EMC8: variants seen among roughly 807,000 people sequenced by gnomAD.
The protein encoded by EMC8 is COX4 neighbor.
A neutral mutation model predicts 24.3 loss-of-function variants in EMC8; 11 were observed. That is an observed-to-expected ratio of 0.45 (90% CI 0.28 to 0.75). EMC8 has a LOEUF of 0.75. EMC8 is among the 30% of genes least tolerant of loss of function. The pLI is 0.12. For synonymous variants in EMC8, 145 were observed against 117.7 expected, an observed-to-expected ratio of 1.23 and a Z score of -1.50; for missense variants, 277 against 282.7, an observed-to-expected ratio of 0.98 and a Z score of 0.14.
intron 2 of EMC8, 65 bp downstream of exon 2, chr16:85,788,909 G>T: frequency 8.5e-7 from 1 of 1,171,910 alleles, no homozygotes; most frequent in Non-Finnish European, 1.3e-6. Context: ...AAAAGCACAC[G>T]AGAGACGGGG....
intron 1 of EMC8, among the ~76,000 whole-genome samples, chr16:85,791,821 G>A (rs894812109): frequency 6.6e-6 from 1 of 151,986 alleles, no homozygotes; most frequent in Non-Finnish European, 1.5e-5. Context: ...CTTTACAAAG[G>A]TCTTTGTGAT....
At chr16:85,797,454 C>T (rs529263155) in intron 1 of EMC8, among the ~76,000 whole-genome samples, 1 of 152,334 alleles carries the variant, frequency 6.6e-6, no homozygotes, top group Admixed American at 6.5e-5. Context: ...AAAACACACA[C>T]ACACACTCCC....
At chr16:85,791,429 C>T (rs1470195542) in intron 1 of EMC8, among the ~76,000 whole-genome samples, 4 of 152,126 alleles carry the variant, frequency 2.6e-5, no homozygotes, top group African/African-American at 4.8e-5. Context: ...TTTTAAGCCC[C>T]GCATGCATTA....
intron 1 of EMC8, among the ~76,000 whole-genome samples, chr16:85,790,251 T>C (rs980775391): frequency 6.6e-6 from 1 of 152,120 alleles, no homozygotes; most frequent in Non-Finnish European, 1.5e-5. Context: ...TTTGGGCCTC[T>C]GAGTCTCCTT....
chr16:85,788,385 AG>A lies in EMC8; in HGVS notation c.308+588del, dbSNP rs552280221. Among the ~76,000 whole-genome samples the A allele has an allele frequency of 2.0e-3, 310 of 152,398 alleles. 3 individuals carry two copies. The highest frequency in any genetic ancestry group is 9.1e-3 in the South Asian group (44 of 4,824). On this transcript the variant is annotated intron_variant, in intron 2 of 4. Transcript: ENST00000253457. ...GGCCTTGTCAACAGCCTGCTTATTA[AG>A]CCCTCCTCAGATTATCACCACCTGA... is the stretch of plus-strand genomic sequence containing the variant.
intron 1 of EMC8, among the ~76,000 whole-genome samples, chr16:85,793,411 TC>T (rs1905098863): frequency 6.6e-6 from 1 of 152,136 alleles, no homozygotes; most frequent in Non-Finnish European, 1.5e-5. Flanking sequence ...TGCTGATCTT[TC>T]TATGGAATGA....
intron 3 of EMC8, 66 bp downstream of exon 3, chr16:85,781,145 G>T: frequency 8.5e-7 from 1 of 1,173,948 alleles, no homozygotes; most frequent in South Asian, 1.2e-5. Flanking sequence ...AACCGCCGCA[G>T]AGCAAGCTCC....
At chr16:85,794,118 T>A (rs1346416234) in intron 1 of EMC8, among the ~76,000 whole-genome samples, 1 of 152,224 alleles carries the variant, frequency 6.6e-6, no homozygotes, top group Non-Finnish European at 1.5e-5. Context: ...GCTGCATGGA[T>A]TTAGATGCTT....
chr16:85,799,405 A>C lies in EMC8; in HGVS notation c.-110T>G. ...AAGCGGGACGAGGCGGCGGCGATTG[A>C]TGGCGCGGCCGCGGGCTGGCGGGGG... is the stretch of plus-strand genomic sequence containing the variant. On this transcript the variant is annotated 5_prime_UTR_variant, in exon 1 of 5. Transcript: ENST00000253457. The surrounding 1 kb of genome is among the most constrained non-coding windows in gnomAD (Gnocchi z 4.2). 1.7e-6 allele frequency: 1 copy of C among 604,846 alleles called. No individual in the cohort carries two copies. The highest frequency in any genetic ancestry group is 2.5e-6 in the Non-Finnish European group (1 of 396,244). 37.5% of individuals were successfully genotyped at this position (604,846 alleles called of 1,614,324 possible).
At chr16:85,780,745 G>C (rs1335313945) in intron 3 of EMC8, 1 of 522,902 alleles carries the variant, frequency 1.9e-6, no homozygotes, top group South Asian at 2.2e-5. Context: ...TCTGAATCAA[G>C]GCTGTTCAGC....
intron 1 of EMC8, among the ~76,000 whole-genome samples, 183 bp from the exon 2 acceptor site, chr16:85,789,233 G>A (rs1364350719): frequency 6.6e-6 from 1 of 152,144 alleles, no homozygotes; most frequent in South Asian, 2.1e-4. Context: ...GCAGGACTTT[G>A]AACATAAGGA....
intron 2 of EMC8, among the ~76,000 whole-genome samples, chr16:85,788,645 C>T (rs535472731): frequency 6.6e-6 from 1 of 152,202 alleles, no homozygotes; most frequent in Non-Finnish European, 1.5e-5. Flanking sequence ...AGTGCTCTGC[C>T]CAACACCACC....
chr16:85,786,372 T>TCC (rs1904754271), intron 2 of EMC8, among the ~76,000 whole-genome samples: 2 of 152,218 alleles, frequency 1.3e-5, no homozygotes, highest in South Asian at 4.1e-4. Flanking sequence ...AAACCATACT[T>TCC]AAGTCAGAAG....
intron 1 of EMC8, among the ~76,000 whole-genome samples, chr16:85,795,366 C>A (rs992196522): frequency 6.6e-6 from 1 of 152,232 alleles, no homozygotes; most frequent in African/African-American, 2.4e-5. Context: ...TGCCCCAAGC[C>A]ACGTTCCTGG....
At chr16:85,783,784 C>T (rs1460862748) in intron 2 of EMC8, among the ~76,000 whole-genome samples, 1 of 152,182 alleles carries the variant, frequency 6.6e-6, no homozygotes, top group Non-Finnish European at 1.5e-5. Flanking sequence ...AATTGCTTCC[C>T]CTCTTTCAGT....
At chr16:85,788,412 G>A (rs1904853734) in intron 2 of EMC8, among the ~76,000 whole-genome samples, 1 of 152,274 alleles carries the variant, frequency 6.6e-6, no homozygotes. Context: ...CACCACCTGA[G>A]TGTGTCATCT....
At chr16:85,795,774 A>G (rs2152077184) in intron 1 of EMC8, among the ~76,000 whole-genome samples, 1 of 152,274 alleles carries the variant, frequency 6.6e-6, no homozygotes, top group African/African-American at 2.4e-5. Flanking sequence ...AAATCCAAAC[A>G]GGAAGCCATG....
chr16:85,794,139 G>C (rs180996565), intron 1 of EMC8, among the ~76,000 whole-genome samples: 4 of 152,346 alleles, frequency 2.6e-5, no homozygotes, highest in Admixed American at 6.5e-5. Flanking sequence ...TGTGAAAACT[G>C]CATCTTCTAT....
At chr16:85,789,452 A>T (rs1396418743) in intron 1 of EMC8, among the ~76,000 whole-genome samples, 1 of 152,206 alleles carries the variant, frequency 6.6e-6, no homozygotes, top group Non-Finnish European at 1.5e-5. Flanking sequence ...AAGTTTGCAC[A>T]ACCAGATAGA....
Sources: allele counts gnomAD v4.1 joint callset (sites outside exome capture counted in the v4.1 genomes callset), GRCh38; gene constraint gnomAD v4.1.1; non-coding constraint Gnocchi (gnomAD v3.1); transcripts MANE v1.5; gene names NCBI Gene and HGNC (gene_info 2026-07-23, HGNC 2026-07-21).